The following ZFAND3 variants were observed in gnomAD, a reference collection of about 807,000 sequenced individuals.
ZFAND3 encodes AN1-type zinc finger protein 3.
ZFAND3 carries 10 observed loss-of-function variants against 29.6 expected under a neutral mutation model. The ratio of observed to expected loss-of-function variants is 0.34; its 90% CI spans 0.21 to 0.57. ZFAND3 has a LOEUF of 0.57. Ranked by LOEUF, ZFAND3 falls within the 20% of genes least tolerant of loss-of-function variation. The pLI, the probability that ZFAND3 is intolerant of heterozygous loss-of-function variation, is 0.86. For synonymous variants in ZFAND3, 128 were observed against 112.6 expected, an observed-to-expected ratio of 1.14 and a Z score of -0.87; for missense variants, 230 against 304.5, an observed-to-expected ratio of 0.76 and a Z score of 1.82.
chr6:38,129,975 T>C (rs894149808), intron 5 of ZFAND3, among the ~76,000 whole-genome samples: 3 of 152,176 alleles, frequency 2.0e-5, no homozygotes, highest in African/African-American at 7.2e-5. Flanking sequence ...TCCATTTGTT[T>C]ATGTTGTCTA....
At chr6:37,939,282 G>T (rs1385703797) in intron 2 of ZFAND3, among the ~76,000 whole-genome samples, 1 of 152,150 alleles carries the variant, frequency 6.6e-6, no homozygotes, top group Non-Finnish European at 1.5e-5. Context: ...GCTGCTGCTT[G>T]TTTCTGGCTT....
intron 3 of ZFAND3, among the ~76,000 whole-genome samples, chr6:38,079,427 G>T (rs935068112): frequency 1.3e-5 from 2 of 152,106 alleles, no homozygotes; most frequent in African/African-American, 4.8e-5. Flanking sequence ...AAGTTTATTT[G>T]CAGAAACCTA....
At chr6:37,852,692 C>G (rs1436428158) in intron 1 of ZFAND3, among the ~76,000 whole-genome samples, 1 of 149,726 alleles carries the variant, frequency 6.7e-6, no homozygotes, top group Non-Finnish European at 1.5e-5. Context: ...TTCACACATT[C>G]TTATGTGTAT....
Position 38,096,826 on chromosome 6 carries a change from G to C in ZFAND3, c.361+14369G>C, listed in dbSNP as rs567983373. 6.3e-4 allele frequency among the ~76,000 whole-genome samples: 96 copies of C among 151,984 alleles called. 1 individual carries two copies. Among genetic ancestry groups the C allele is most frequent in the Non-Finnish European group, 1.2e-3 (81 of 67,994 alleles). On this transcript the variant is annotated intron_variant, in intron 4 of 5. Transcript: ENST00000287218. ...TACTTTGAGCTCACTTTTGTTCTCT[G>C]AAGATTTTTTTTCGTAATGTTCTTT... is the stretch of plus-strand genomic sequence containing the variant.
At chr6:38,048,666 T>G (rs1017967711) in intron 2 of ZFAND3, among the ~76,000 whole-genome samples, 1 of 146,794 alleles carries the variant, frequency 6.8e-6, no homozygotes. Flanking sequence ...GGCAGCTGCA[T>G]TATCTGCCAT....
intron 1 of ZFAND3, among the ~76,000 whole-genome samples, chr6:37,899,666 G>C (rs191148232): frequency 6.6e-6 from 1 of 152,110 alleles, no homozygotes; most frequent in Non-Finnish European, 1.5e-5. Context: ...AGAGATGCCC[G>C]TTATTATCTT....
At chr6:38,034,043 G>A (rs538421412) in intron 2 of ZFAND3, among the ~76,000 whole-genome samples, 57 of 152,142 alleles carry the variant, frequency 3.7e-4, no homozygotes, top group Admixed American at 1.4e-3. Context: ...CTAACCTTTT[G>A]TCCATTTAGG....
At chr6:37,929,053 G>A (rs1202089952) in intron 1 of ZFAND3, among the ~76,000 whole-genome samples, 1 of 152,112 alleles carries the variant, frequency 6.6e-6, no homozygotes, top group South Asian at 2.1e-4. Flanking sequence ...TAATGCCTTG[G>A]CAGAGGAAGG....
chr6:37,857,940 A>G lies in ZFAND3; in HGVS notation c.71+37924A>G, dbSNP rs542051915. Among the ~76,000 whole-genome samples the G allele has an allele frequency of 9.2e-5, 14 of 152,242 alleles. No individual in the cohort carries two copies. The South Asian group carries it at 2.5e-3, about 27-fold the overall frequency. On this transcript the variant is annotated intron_variant, in intron 1 of 5. Coordinates refer to ENST00000287218, the MANE Select transcript of ZFAND3 (RefSeq NM_021943.3). Reference sequence around the variant, plus strand: ...TCAGGAATGGGCCTTTGAGTGTACAATAGTGTAGGATAGTGTCTGTTTATT... The same window carrying G: ...TCAGGAATGGGCCTTTGAGTGTACAGTAGTGTAGGATAGTGTCTGTTTATT...
chr6:38,036,682 C>A lies in ZFAND3; in HGVS notation c.113-24911C>A, dbSNP rs547330495. On this transcript the variant is annotated intron_variant, in intron 2 of 5. Transcript: ENST00000287218. ...ATAAAGAGATTATACAAATAATCCA[C>A]ATAGAAATAGAGACTTAAGAAACTA... is the stretch of plus-strand genomic sequence containing the variant. 1.1e-3 allele frequency among the ~76,000 whole-genome samples: 169 copies of A among 152,226 alleles called. 1 individual carries two copies. The highest frequency in any genetic ancestry group is 3.9e-3 in the African/African-American group (164 of 41,536).
chr6:37,923,986 T>C (rs1761433798), intron 1 of ZFAND3, among the ~76,000 whole-genome samples: 1 of 152,156 alleles, frequency 6.6e-6, no homozygotes, highest in South Asian at 2.1e-4. Context: ...TACTTTTTGT[T>C]TTTTTTTCTA....
At chr6:37,923,764 T>G (rs528052464) in intron 1 of ZFAND3, among the ~76,000 whole-genome samples, 1 of 152,226 alleles carries the variant, frequency 6.6e-6, no homozygotes, top group East Asian at 1.9e-4. Flanking sequence ...ATGGGACTTC[T>G]GTTGTGTATG....
intron 1 of ZFAND3, among the ~76,000 whole-genome samples, chr6:37,874,159 G>A (rs1195514729): frequency 1.3e-5 from 2 of 152,152 alleles, no homozygotes; most frequent in Non-Finnish European, 1.5e-5. Context: ...GTTTGTAGAT[G>A]GCCATCTTCT....
At chr6:37,959,147 A>G (rs1762151989) in intron 2 of ZFAND3, among the ~76,000 whole-genome samples, 1 of 152,222 alleles carries the variant, frequency 6.6e-6, no homozygotes, top group Non-Finnish European at 1.5e-5. Context: ...ATTTGCTTAA[A>G]TGCAAGACTT....
intron 1 of ZFAND3, among the ~76,000 whole-genome samples, chr6:37,869,163 T>C (rs75618461): frequency 0.064 from 9,713 of 152,264 alleles, 430 homozygotes; most frequent in Non-Finnish European, 0.093. Context: ...ATTTTGTCTT[T>C]ATTTATTTAT....
Position 38,027,301 on chromosome 6 carries a change from T to C in ZFAND3, c.113-34292T>C, listed in dbSNP as rs147494223. 1.8e-4 allele frequency among the ~76,000 whole-genome samples: 27 copies of C among 152,352 alleles called. No individual in the cohort carries two copies. In the East Asian group the frequency reaches 5.0e-3, roughly 28 times the overall value. ...TTTTAAATGCCTTATTGTCAACAAA[T>C]AGTCTCATTCAGTACATGTTCAGAA... On this transcript the variant is annotated intron_variant, in intron 2 of 5. Transcript: ENST00000287218.
chr6:37,835,581 GTGTATT>G (rs746239072), intron 1 of ZFAND3, among the ~76,000 whole-genome samples: 2 of 151,048 alleles, frequency 1.3e-5, no homozygotes, highest in Non-Finnish European at 2.9e-5. Context: ...TATAAAATGA[GTGTATT>G]TGTGTGGTAA....
chr6:38,087,693 G>A lies in ZFAND3; in HGVS notation c.361+5236G>A, dbSNP rs538999215. On this transcript the variant is annotated intron_variant, in intron 4 of 5. Coordinates refer to ENST00000287218, the MANE Select transcript of ZFAND3 (RefSeq NM_021943.3). ...ATATTCAGAAGACAGGCAATAACAAGTATTGACAAGGATGTGGAGAAAAGG... is the reference window on the plus strand; with the variant it reads ...ATATTCAGAAGACAGGCAATAACAAATATTGACAAGGATGTGGAGAAAAGG... Among the ~76,000 whole-genome samples, 188 of 152,262 alleles carry A rather than the reference G, an allele frequency of 1.2e-3. 1 individual carries two copies. The highest frequency in any genetic ancestry group is 1.6e-3 in the African/African-American group (66 of 41,560).
intron 2 of ZFAND3, among the ~76,000 whole-genome samples, chr6:38,004,451 C>G (rs1014552754): frequency 3.3e-5 from 5 of 150,802 alleles, no homozygotes; most frequent in African/African-American, 1.2e-4. Context: ...CCCCTCTCCC[C>G]CTTCCCCTCT....
Sources: allele counts gnomAD v4.1 joint callset (sites outside exome capture counted in the v4.1 genomes callset), GRCh38; gene constraint gnomAD v4.1.1; transcripts MANE v1.5; gene names NCBI Gene and HGNC (gene_info 2026-07-23, HGNC 2026-07-21).